Variants in CUX2 observed in about 807,000 individuals in gnomAD.
The protein encoded by CUX2 is homeobox protein cut-like 2.
Under a neutral mutation model 144.8 loss-of-function variants are expected in CUX2, and 40 were observed. The observed-to-expected ratio is 0.28, with a 90% CI of 0.21 to 0.36. CUX2 has a LOEUF of 0.36. Ranked by LOEUF, CUX2 falls within the 10% of genes least tolerant of loss-of-function variation. CUX2 has a pLI of 1.00. For synonymous variants in CUX2, 827 were observed against 875.6 expected, an observed-to-expected ratio of 0.94 and a Z score of 0.98; for missense variants, 1,615 against 1,994.0, an observed-to-expected ratio of 0.81 and a Z score of 3.62.
At chr12:111,155,930 A>AAAAAAT (rs1260974732) in intron 1 of CUX2, among the ~76,000 whole-genome samples, 1 of 151,882 alleles carries the variant, frequency 6.6e-6, no homozygotes, top group Non-Finnish European at 1.5e-5. Flanking sequence ...AAATAAAAAA[A>AAAAAAT]AAAAATAAAA....
In CUX2 at chr12:111,158,085, A is replaced by G. The variant is rs534625032; in HGVS notation, c.64-56115A>G. Among the ~76,000 whole-genome samples the G allele has an allele frequency of 3.3e-5, 5 of 152,304 alleles. No individual in the cohort carries two copies. The East Asian group carries it at 5.8e-4, about 18-fold the overall frequency. On this transcript the variant is annotated intron_variant, in intron 1 of 21. Coordinates refer to ENST00000261726, the MANE Select transcript of CUX2 (RefSeq NM_015267.4). ...GAGACGCAATCAGGAAGGTTCAAAG[A>G]AAAGAGGCAAGGCAGGAGGCCAACG...
intron 1 of CUX2, chr12:111,099,480 A>G: frequency 2.2e-6 from 1 of 452,150 alleles, no homozygotes; most frequent in Non-Finnish European, 4.5e-6. Context: ...GCTGGGAGGT[A>G]TGAGGTGAGA....
intron 1 of CUX2, among the ~76,000 whole-genome samples, chr12:111,119,366 G>A (rs1874491225): frequency 6.6e-6 from 1 of 152,124 alleles, no homozygotes; most frequent in Non-Finnish European, 1.5e-5. Flanking sequence ...CACTTTGGTA[G>A]GCTGAGGTGG....
rs1311377749 is a variant in CUX2, at chr12:111,320,545, C to T, written c.2536C>T (p.Pro846Ser). ...DEAAAGAEDE[P>S]PRTGELKAEG... ...GGCGGCGGCAGGGGCGGAGGACGAACCCCCCAGGACGGGCGAGCTCAAGGC... is the reference window on the plus strand; with the variant it reads ...GGCGGCGGCAGGGGCGGAGGACGAATCCCCCAGGACGGGCGAGCTCAAGGC... The change falls in exon 17 of 22, where the codon CCC becomes TCC. Residue 846 changes from proline (P) to serine (S), a missense_variant. By Grantham distance (74) the Pro-to-Ser change is moderately conservative (BLOSUM62 -1). Coordinates refer to ENST00000261726, the MANE Select transcript of CUX2 (RefSeq NM_015267.4). The surrounding 1 kb of genome is among the most constrained non-coding windows in gnomAD (Gnocchi z 8.1). 1.3e-6 allele frequency: 2 copies of T among 1,533,910 alleles called. No homozygotes were observed. Among genetic ancestry groups the T allele is most frequent in the African/African-American group, 1.4e-5 (1 of 71,524 alleles).
At chr12:111,326,557 C>A (rs1887830350) in intron 18 of CUX2, among the ~76,000 whole-genome samples, 2 of 151,870 alleles carry the variant, frequency 1.3e-5, no homozygotes, top group Admixed American at 6.6e-5. Flanking sequence ...AGTGGTGAGC[C>A]ACTGCGCCTG....
rs749241101 is a variant in CUX2 at position 111,320,534 on chromosome 12, C to A, written c.2525C>A (p.Ala842Glu). 3.2e-6 allele frequency: 5 copies of A among 1,553,474 alleles called. No individual in the cohort carries two copies. The South Asian group carries it at 5.8e-5, about 18-fold the overall frequency. The change falls in exon 17 of 22, where the codon GCG (alanine) becomes GAG (glutamate). Residue 842 changes from alanine to glutamate, a missense_variant. By Grantham distance (107) the Ala-to-Glu change is moderately radical (BLOSUM62 -1). Transcript: ENST00000261726. The surrounding 1 kb of genome is among the most constrained non-coding windows in gnomAD (Gnocchi z 8.1). ...CCCGAGGACGAGGCGGCGGCAGGGG[C>A]GGAGGACGAACCCCCCAGGACGGGC... is the stretch of plus-strand genomic sequence containing the variant. ...VPPEDEAAAG[A>E]EDEPPRTGEL... is the part of the protein sequence containing the mutation.
chr12:111,051,684 G>GA (rs1157166946), intron 1 of CUX2, among the ~76,000 whole-genome samples: 6 of 152,020 alleles, frequency 3.9e-5, no homozygotes, highest in Non-Finnish European at 8.8e-5. Flanking sequence ...TATTCAGTCT[G>GA]AAAAACTCTG....
intron 3 of CUX2, among the ~76,000 whole-genome samples, chr12:111,240,902 C>G (rs778342865): frequency 6.6e-6 from 1 of 152,122 alleles, no homozygotes; most frequent in African/African-American, 2.4e-5. Flanking sequence ...GCAGGTGTGC[C>G]GATGCCAACC....
At chr12:111,239,406 C>T (rs1465348437) in intron 3 of CUX2, among the ~76,000 whole-genome samples, 1 of 152,204 alleles carries the variant, frequency 6.6e-6, no homozygotes, top group Non-Finnish European at 1.5e-5. Context: ...GGACCCAGCA[C>T]AGAAACACAA....
At chr12:111,097,139 T>C (rs1482799547) in intron 1 of CUX2, among the ~76,000 whole-genome samples, 3 of 152,212 alleles carry the variant, frequency 2.0e-5, no homozygotes, top group Non-Finnish European at 4.4e-5. Flanking sequence ...TGGGCATCCT[T>C]CCTGTTCCCT....
At chr12:111,123,815 C>T (rs994692622) in intron 1 of CUX2, among the ~76,000 whole-genome samples, 3 of 152,188 alleles carry the variant, frequency 2.0e-5, no homozygotes, top group African/African-American at 7.2e-5. Context: ...GGATTACAGG[C>T]GTGAGCCACC....
At chr12:111,122,482 C>T (rs555277935) in intron 1 of CUX2, among the ~76,000 whole-genome samples, 1 of 152,278 alleles carries the variant, frequency 6.6e-6, no homozygotes, top group African/African-American at 2.4e-5. Context: ...TTCATCAAAC[C>T]GAACTGCTCT....
intron 1 of CUX2, among the ~76,000 whole-genome samples, chr12:111,174,336 T>C (rs1417606888): frequency 6.6e-6 from 1 of 152,116 alleles, no homozygotes; most frequent in Admixed American, 6.5e-5. Context: ...TCTGAATGAG[T>C]CCACGCTCCT....
chr12:111,157,643 G>T (rs565084223), intron 1 of CUX2, among the ~76,000 whole-genome samples: 2 of 152,178 alleles, frequency 1.3e-5, no homozygotes, highest in Non-Finnish European at 2.9e-5. Context: ...CAAATTCATC[G>T]ATGGTTTGGA....
rs561641693 is a variant in CUX2 at position 111,054,184 on chromosome 12, A to G, written c.63+19944A>G. On this transcript the variant is annotated intron_variant, in intron 1 of 21. Transcript: ENST00000261726. ...AAAAACAAAAACAAAAACAAAAAACAGATTCCTGGCTTTCTCTTCAGTGTG... is the reference window on the plus strand; with the variant it reads ...AAAAACAAAAACAAAAACAAAAAACGGATTCCTGGCTTTCTCTTCAGTGTG... Among the ~76,000 whole-genome samples, 26 of 152,280 alleles carry G rather than the reference A, an allele frequency of 1.7e-4. No individual in the cohort carries two copies. The South Asian group carries it at 5.4e-3, about 32-fold the overall frequency.
intron 1 of CUX2, among the ~76,000 whole-genome samples, chr12:111,146,692 G>A (rs1876695299): frequency 6.6e-6 from 1 of 152,176 alleles, no homozygotes; most frequent in Non-Finnish European, 1.5e-5. Flanking sequence ...AAATTCCAGC[G>A]TGGTCTAGCA....
intron 1 of CUX2, among the ~76,000 whole-genome samples, chr12:111,195,479 G>A (rs533420712): frequency 5.3e-5 from 8 of 152,346 alleles, no homozygotes; most frequent in Non-Finnish European, 1.0e-4. Context: ...ACCAGCCTCC[G>A]GTGTGAGATT....
At chr12:111,064,493 C>T (rs1304623562) in intron 1 of CUX2, among the ~76,000 whole-genome samples, 1 of 152,150 alleles carries the variant, frequency 6.6e-6, no homozygotes, top group Non-Finnish European at 1.5e-5. Flanking sequence ...GGAGAGAAGG[C>T]CTGGATTTGA....
chr12:111,325,443 G>A (rs529069320), intron 18 of CUX2, among the ~76,000 whole-genome samples: 1 of 152,316 alleles, frequency 6.6e-6, no homozygotes, highest in African/African-American at 2.4e-5. Flanking sequence ...CACAGATGAG[G>A]AAATCCAGGG....
Sources: allele counts gnomAD v4.1 joint callset (sites outside exome capture counted in the v4.1 genomes callset), GRCh38; gene constraint gnomAD v4.1.1; non-coding constraint Gnocchi (gnomAD v3.1); transcripts MANE v1.5; gene names NCBI Gene and HGNC (gene_info 2026-07-23, HGNC 2026-07-21).